CHD6: variants seen among roughly 807,000 people sequenced by gnomAD.
The protein encoded by CHD6 is chromodomain helicase DNA binding protein 6, also known as ATP-dependent chromatin remodeler CHD6.
Under a neutral mutation model 276.9 loss-of-function variants are expected in CHD6, and 50 were observed. The ratio of observed to expected loss-of-function variants is 0.18; its 90% CI spans 0.14 to 0.23. The LOEUF is 0.23. CHD6 is among the 10% of genes least tolerant of loss of function. The pLI is 1.00. For missense variants in CHD6, 2,564 were observed against 3,365.8 expected (o/e 0.76, Z 5.89); for synonymous variants, 1,173 against 1,229.3 (o/e 0.95, Z 0.96).
intron 1 of CHD6, among the ~76,000 whole-genome samples, chr20:41,571,163 A>G (rs916839379): frequency 1.3e-5 from 2 of 152,136 alleles, no homozygotes; most frequent in South Asian, 2.1e-4. Context: ...TGAGAAGGAT[A>G]TATCATGACA....
Position 41,598,705 on chromosome 20 carries a change from C to A in CHD6, c.-24+19635G>T, listed in dbSNP as rs139815667. Among the ~76,000 whole-genome samples the A allele has an allele frequency of 7.3e-3, 1,110 of 152,324 alleles. 40 individuals carry two copies. The highest frequency in any genetic ancestry group is 0.062 in the Admixed American group (950 of 15,294). On this transcript the variant is annotated intron_variant, in intron 1 of 36. Coordinates refer to ENST00000373233, the MANE Select transcript of CHD6 (RefSeq NM_032221.5). Reference sequence around the variant, plus strand: ...CAATTTCACCTCGTGTCTCTCACAGCAAGGGGAAAACTTGGCATTCCTTGG... The same window carrying A: ...CAATTTCACCTCGTGTCTCTCACAGAAAGGGGAAAACTTGGCATTCCTTGG...
Position 41,439,922 on chromosome 20 carries a change from G to C in CHD6, c.4007+78C>G, listed in dbSNP as rs1474228825. 8.2e-6 allele frequency: 12 copies of C among 1,455,484 alleles called. No individual in the cohort carries two copies. The East Asian group carries it at 2.3e-4, about 28-fold the overall frequency. 90.2% of individuals were successfully genotyped at this position (1,455,484 alleles called of 1,614,324 possible). ...CCAGATGCTGAGGAAGAGATAAAGA[G>C]TGCTGGGTTTATGAGGAAGGGGTCA... On this transcript the variant is annotated intron_variant, in intron 26 of 36. Coordinates refer to ENST00000373233, the MANE Select transcript of CHD6 (RefSeq NM_032221.5).
intron 1 of CHD6, among the ~76,000 whole-genome samples, chr20:41,566,695 G>A (rs1002194261): frequency 6.6e-6 from 1 of 152,120 alleles, no homozygotes; most frequent in African/African-American, 2.4e-5. Context: ...GTACTACAAA[G>A]CCTGCCTCCC....
At chr20:41,538,000 G>A (rs570772199) in intron 2 of CHD6, among the ~76,000 whole-genome samples, 2 of 152,300 alleles carry the variant, frequency 1.3e-5, no homozygotes, top group East Asian at 1.9e-4. Context: ...ATCGACAGAC[G>A]AACAGGCAAA....
At chr20:41,610,430 G>C (rs1477183320) in intron 1 of CHD6, among the ~76,000 whole-genome samples, 1 of 152,070 alleles carries the variant, frequency 6.6e-6, no homozygotes. Flanking sequence ...GGGAGGCTTG[G>C]TAAATGTTAT....
At chr20:41,494,092 T>C in intron 8 of CHD6, 148 bp from the exon 9 acceptor site, 1 of 599,152 alleles carries the variant, frequency 1.7e-6, no homozygotes, top group South Asian at 2.2e-5. Context: ...AGTCACGGCA[T>C]TTATTCACTG....
chr20:41,402,399 A>G lies in CHD6; in HGVS notation c.*2194T>C, dbSNP rs543710727. The G allele has an allele frequency of 2.9e-4, 66 of 230,026 alleles. No individual in the cohort carries two copies. The highest frequency in any genetic ancestry group is 1.3e-3 in the African/African-American group (59 of 45,298). The allele number at this position is 230,026 out of a possible 1,614,324, so 14.2% of individuals were successfully genotyped here. On this transcript the variant is annotated 3_prime_UTR_variant, in exon 37 of 37. Coordinates refer to ENST00000373233, the MANE Select transcript of CHD6 (RefSeq NM_032221.5). ...GAGTTAACATACAGATTCCATAAGG[A>G]TAACAAGGGATTGAGCATGCTGGTG...
At chr20:41,528,463 C>T (rs2044599402) in intron 3 of CHD6, among the ~76,000 whole-genome samples, 1 of 152,074 alleles carries the variant, frequency 6.6e-6, no homozygotes, top group African/African-American at 2.4e-5. Flanking sequence ...TGAGTTATAC[C>T]AAATGAAATT....
chr20:41,420,384 G>A (rs549321084), intron 31 of CHD6, 124 bp downstream of exon 31: 1 of 1,045,886 alleles, frequency 9.6e-7, no homozygotes, highest in African/African-American at 1.6e-5. Flanking sequence ...ATGACCTTTG[G>A]TGAGGGTAGG....
In CHD6 at chr20:41,416,671, C is replaced by T; in HGVS notation, c.6403G>A (p.Gly2135Ser). The T allele has an allele frequency of 6.2e-7, 1 of 1,614,112 alleles. No homozygotes were observed. The highest frequency in any genetic ancestry group is 8.5e-7 in the Non-Finnish European group (1 of 1,179,990). ...LPTPVLTSSA[G>S]SRTSLSEPEA... ...GGCTCTGAGAGGCTGGTTCGAGAACCAGCACTGCTGGTTAATACCGGGGTG... is the reference window on the plus strand; with the variant it reads ...GGCTCTGAGAGGCTGGTTCGAGAACTAGCACTGCTGGTTAATACCGGGGTG... The change falls in exon 33 of 37, where the codon GGT (glycine) becomes AGT (serine). Residue 2135 changes from glycine to serine, a missense_variant. This residue lies in a region of CHD6 where 1,024 missense variants were observed against 1,047.9 expected (regional missense o/e 0.98). Transcript: ENST00000373233.
In CHD6 at chr20:41,435,954, C is replaced by T. The variant is rs1257082624; in HGVS notation, c.4068+1320G>A. Among the ~76,000 whole-genome samples, 10 of 152,170 alleles carry T rather than the reference C, an allele frequency of 6.6e-5. No homozygotes were observed. In the East Asian group the frequency reaches 1.9e-3, roughly 29 times the overall value. On this transcript the variant is annotated intron_variant, in intron 27 of 36. Transcript: ENST00000373233. ...GAGCAGAGAACTCAGAAATAGAACCCACAAATATGCCAAACTGATTTTTAA... is the reference window on the plus strand; with the variant it reads ...GAGCAGAGAACTCAGAAATAGAACCTACAAATATGCCAAACTGATTTTTAA...
At chr20:41,416,416 G>C (rs2046998012) in intron 33 of CHD6, among the ~76,000 whole-genome samples, 172 bp downstream of exon 33, 1 of 151,996 alleles carries the variant, frequency 6.6e-6, no homozygotes, top group African/African-American at 2.4e-5. Flanking sequence ...ACTTTTACTA[G>C]CTCTTCACTA....
At chr20:41,470,291 C>T (rs1439316760) in intron 17 of CHD6, among the ~76,000 whole-genome samples, 2 of 152,028 alleles carry the variant, frequency 1.3e-5, no homozygotes, top group East Asian at 1.9e-4. Flanking sequence ...TCTTCTAGTC[C>T]CCTGTCCTAA....
At position 41,415,518 on chromosome 20, in the gene CHD6, G is replaced by A. The variant is rs1399544506; in HGVS notation, c.6607C>T (p.His2203Tyr). 2 of 1,614,126 alleles carry A rather than the reference G, an allele frequency of 1.2e-6. No homozygotes were observed. The highest frequency in any genetic ancestry group is 1.7e-6 in the Non-Finnish European group (2 of 1,179,998). Residue 2203 changes from histidine (H) to tyrosine (Y), a missense_variant, in exon 34 of 37, where the codon CAC becomes TAC. Physicochemically the swap from His to Tyr is moderately conservative, Grantham distance 83. Around this residue, in one of 7 missense-constraint regions of CHD6, gnomAD observed 1,024 missense variants for 1,047.9 expected, o/e 0.98. Transcript: ENST00000373233. ...GLEQFSATHGHTPIILNGWHG... is the reference protein window; with the variant it reads ...GLEQFSATHGYTPIILNGWHG... ...CAGCCATTGAGGATGATAGGGGTGT[G>A]CCCGTGGGTGGCAGAGAACTGCTCC...
rs746974520 is a variant in CHD6 at position 41,421,770 on chromosome 20, C to T, written c.4865G>A (p.Gly1622Asp). The T allele has an allele frequency of 8.7e-6, 14 of 1,614,148 alleles. No homozygotes were observed. In the South Asian group the frequency reaches 1.5e-4, roughly 18 times the overall value. Reference protein sequence around the residue: ...YRNYAQHKRSGTQAPGNLCCL... With the variant: ...YRNYAQHKRSDTQAPGNLCCL... ...ACAGAGATTTCCTGGTGCCTGGGTG[C>T]CAGATCTTTTATGCTGGGCATAGTT... Residue 1622 changes from glycine to aspartate, a missense_variant, in exon 31 of 37, where the codon GGC (glycine) becomes GAC (aspartate). Gly to Asp is a moderately conservative substitution (Grantham distance 94). Transcript: ENST00000373233.
At chr20:41,506,914 T>C (rs1439929439) in intron 5 of CHD6, among the ~76,000 whole-genome samples, 1 of 152,184 alleles carries the variant, frequency 6.6e-6, no homozygotes, top group Non-Finnish European at 1.5e-5. Flanking sequence ...CAATAGAATA[T>C]GATAATAGAA....
chr20:41,426,459 T>C (rs921761359), intron 27 of CHD6, among the ~76,000 whole-genome samples: 4 of 152,236 alleles, frequency 2.6e-5, no homozygotes, highest in Non-Finnish European at 4.4e-5. Flanking sequence ...ATTTTACAAG[T>C]ACTATTTTAG....
Position 41,490,012 on chromosome 20 carries a change from A to G in CHD6, c.1446T>C (p.Cys482=). ...LLFNWYNRKN[C]ILADEMGLGK... ...CTAGGCCCATCTCATCAGCCAAAATACAGTTTTTTCTGCAGAGAGTGAGAA... is the reference window on the plus strand; with the variant it reads ...CTAGGCCCATCTCATCAGCCAAAATGCAGTTTTTTCTGCAGAGAGTGAGAA... Residue 482 remains cysteine, a synonymous_variant, in exon 12 of 37, where the codon TGT becomes TGC. Transcript: ENST00000373233. 6.2e-7 allele frequency: 1 copy of G among 1,613,336 alleles called. No homozygotes were observed. The highest frequency in any genetic ancestry group is 8.5e-7 in the Non-Finnish European group (1 of 1,179,260).
intron 12 of CHD6, 136 bp downstream of exon 12, chr20:41,489,642 A>G (rs1331904432): frequency 9.0e-7 from 1 of 1,107,890 alleles, no homozygotes; most frequent in African/African-American, 1.5e-5. Flanking sequence ...AGCAGGAGTC[A>G]GCCTTGACAA....
Sources: gnomAD v4.1 joint callset for allele counts (sites outside exome capture counted in the v4.1 genomes callset) on GRCh38, gnomAD v4.1.1 for gene constraint, gnomAD v4.1.1 regional missense constraint, MANE v1.5 for transcripts, NCBI Gene and HGNC (gene_info 2026-07-23, HGNC 2026-07-21) for gene names.